Variants in RAP1A observed in about 807,000 individuals in gnomAD.
The protein encoded by RAP1A is ras-related protein Rap-1A.
In RAP1A, 6 loss-of-function variants were observed where a neutral mutation model predicts 26.4. That is an observed-to-expected ratio of 0.23 (90% CI 0.12 to 0.45). The LOEUF (loss-of-function observed/expected upper bound fraction) is 0.45, where lower values mean the gene tolerates loss of function less well. Ranked by LOEUF, RAP1A falls within the 20% of genes least tolerant of loss-of-function variation. The pLI is 0.99. For synonymous variants in RAP1A, 73 were observed against 79.4 expected (o/e 0.92, Z 0.43); for missense variants, 121 against 217.2 (o/e 0.56, Z 2.78).
chr1:111,683,400 T>G (rs1340616637), intron 1 of RAP1A, among the ~76,000 whole-genome samples: 1 of 149,614 alleles, frequency 6.7e-6, no homozygotes, highest in African/African-American at 2.5e-5. Context: ...TTTAAAAGAT[T>G]AACAAAATAG....
intron 1 of RAP1A, among the ~76,000 whole-genome samples, chr1:111,645,384 GGAGTA>G (rs1232321505): frequency 1.3e-5 from 2 of 152,156 alleles, no homozygotes; most frequent in African/African-American, 4.8e-5. Context: ...GAGAGGAAGT[GGAGTA>G]GAGATTGGTA....
intron 1 of RAP1A, chr1:111,648,351 T>G (rs1660144700): frequency 2.9e-6 from 2 of 692,614 alleles, no homozygotes; most frequent in Non-Finnish European, 2.5e-6. Context: ...ATCTGGTGGA[T>G]GGTCGTCTTT....
chr1:111,576,876 G>C (rs567957681), intron 1 of RAP1A, among the ~76,000 whole-genome samples: 255 of 152,188 alleles, frequency 1.7e-3, no homozygotes, highest in Non-Finnish European at 3.1e-3. Context: ...CTCAACCTTG[G>C]GTTACCTAAG....
intron 1 of RAP1A, among the ~76,000 whole-genome samples, chr1:111,660,243 T>A (rs909423401): frequency 1.3e-5 from 2 of 152,184 alleles, no homozygotes; most frequent in East Asian, 3.9e-4. Context: ...TCTTCTTGCT[T>A]TCCTGGTTTC....
chr1:111,557,941 C>A (rs925590902), intron 1 of RAP1A, among the ~76,000 whole-genome samples: 1 of 151,910 alleles, frequency 6.6e-6, no homozygotes, highest in African/African-American at 2.4e-5. Flanking sequence ...GAAAATTATG[C>A]ATGTTAAGAT....
intron 1 of RAP1A, among the ~76,000 whole-genome samples, chr1:111,548,947 T>C (rs895133453): frequency 4.6e-5 from 7 of 152,216 alleles, no homozygotes; most frequent in Non-Finnish European, 7.3e-5. Context: ...TGTTCAGACA[T>C]GTTATAAGTT....
At chr1:111,659,129 T>TC (rs1185006358) in intron 1 of RAP1A, among the ~76,000 whole-genome samples, 1 of 152,160 alleles carries the variant, frequency 6.6e-6, no homozygotes, top group Non-Finnish European at 1.5e-5. Context: ...TGTACAGTAG[T>TC]CCCCACTTAC....
intron 1 of RAP1A, among the ~76,000 whole-genome samples, chr1:111,561,681 A>AT (rs1657744654): frequency 6.6e-6 from 1 of 151,750 alleles, no homozygotes; most frequent in South Asian, 2.1e-4. Flanking sequence ...ATTTTTTGTA[A>AT]TTTTTCCTTC....
intron 1 of RAP1A, among the ~76,000 whole-genome samples, chr1:111,622,613 A>G (rs139047171): frequency 2.9e-3 from 448 of 152,336 alleles, no homozygotes; most frequent in African/African-American, 0.01. Context: ...ACAGTTGTTG[A>G]CAAACATTCC....
chr1:111,628,403 T>C (rs1659463960), intron 1 of RAP1A, among the ~76,000 whole-genome samples: 1 of 152,174 alleles, frequency 6.6e-6, no homozygotes. Flanking sequence ...GTGATTAATT[T>C]GACAGAAGCC....
At chr1:111,676,503 A>C (rs772527899) in intron 1 of RAP1A, among the ~76,000 whole-genome samples, 1 of 152,098 alleles carries the variant, frequency 6.6e-6, no homozygotes. Context: ...GTATGTATCT[A>C]GTATTCTGAG....
At chr1:111,575,271 C>A (rs995387199) in intron 1 of RAP1A, among the ~76,000 whole-genome samples, 3 of 151,998 alleles carry the variant, frequency 2.0e-5, no homozygotes, top group African/African-American at 7.2e-5. Context: ...ATTCTTGTGT[C>A]TAAAACCAAG....
At chr1:111,636,332 A>G (rs183658896) in intron 1 of RAP1A, among the ~76,000 whole-genome samples, 105 of 152,270 alleles carry the variant, frequency 6.9e-4, no homozygotes, top group African/African-American at 2.4e-3. Flanking sequence ...TTGATTTTAG[A>G]CAACAAACAC....
chr1:111,633,561 G>A (rs1378381641), intron 1 of RAP1A, among the ~76,000 whole-genome samples: 1 of 152,120 alleles, frequency 6.6e-6, no homozygotes, highest in Non-Finnish European at 1.5e-5. Flanking sequence ...TCGTTCAACT[G>A]GTAAGAAGCC....
chr1:111,542,308 C>G, exon 1 of RAP1A: 1 of 515,584 alleles, frequency 1.9e-6, no homozygotes, highest in Middle Eastern at 6.4e-4. Flanking sequence ...GCGACAAGAG[C>G]AAAGAAGTTA....
chr1:111,706,715 C>T, intron 6 of RAP1A: 1 of 985,444 alleles, frequency 1.0e-6, no homozygotes, highest in South Asian at 4.7e-5. Context: ...GGCCTTTCAG[C>T]ATTTCTAACC....
chr1:111,681,718 C>T (rs937514119), intron 1 of RAP1A, among the ~76,000 whole-genome samples: 10 of 152,148 alleles, frequency 6.6e-5, no homozygotes, highest in South Asian at 2.1e-4. Context: ...ACCAAACCTA[C>T]GATTGATTGG....
At chr1:111,587,109 A>T (rs1658380006) in intron 1 of RAP1A, among the ~76,000 whole-genome samples, 1 of 151,756 alleles carries the variant, frequency 6.6e-6, no homozygotes, top group South Asian at 2.1e-4. Context: ...TTGTTTTTCC[A>T]CCATTCTATG....
chr1:111,654,124 T>C (rs1353969898), intron 1 of RAP1A, among the ~76,000 whole-genome samples: 1 of 152,224 alleles, frequency 6.6e-6, no homozygotes, highest in Non-Finnish European at 1.5e-5. Context: ...GAATTTTTTA[T>C]TCCAGCCAGA....
Sources: gnomAD v4.1 joint callset for allele counts (sites outside exome capture counted in the v4.1 genomes callset) on GRCh38, gnomAD v4.1.1 for gene constraint, MANE v1.5 for transcripts, NCBI Gene and HGNC (gene_info 2026-07-23, HGNC 2026-07-21) for gene names.